The following FHIT variants were observed in gnomAD, a reference collection of about 807,000 sequenced individuals.
FHIT encodes bis(5'-adenosyl)-triphosphatase.
Under a neutral mutation model 17.9 loss-of-function variants are expected in FHIT, and 19 were observed. The ratio of observed to expected loss-of-function variants is 1.06; its 90% confidence interval spans 0.74 to 1.56. The LOEUF is 1.56. Among genes scored for constraint, FHIT ranks in the 40% most tolerant of loss-of-function variants. The pLI is 0.00. For missense variants in FHIT, 248 were observed against 189.2 expected, an observed-to-expected ratio of 1.31 and a Z score of -1.82; for synonymous variants, 81 against 69.7, an observed-to-expected ratio of 1.16 and a Z score of -0.81.
rs527967521 is a variant in FHIT, at chr3:60,201,267, G to C, written c.104-187115C>G. Among the ~76,000 whole-genome samples, 3 of 152,202 alleles carry C rather than the reference G, an allele frequency of 2.0e-5. No individual in the cohort carries two copies. The South Asian group carries it at 6.2e-4, about 32-fold the overall frequency. On this transcript the variant is annotated intron_variant, in intron 5 of 9. Transcript: ENST00000492590. ...CCCAATGGTATCTTATATACCAAAT[G>C]ATCGTCTATGGTAGATTTCAATCAT... is the stretch of plus-strand genomic sequence containing the variant.
intron 5 of FHIT, among the ~76,000 whole-genome samples, chr3:60,061,687 G>C (rs1257427824): frequency 1.3e-5 from 2 of 152,182 alleles, no homozygotes; most frequent in Admixed American, 1.3e-4. Flanking sequence ...CAAGTAAACA[G>C]AGAGGGTTCT....
At chr3:60,195,755 C>G (rs968110143) in intron 5 of FHIT, among the ~76,000 whole-genome samples, 1 of 151,034 alleles carries the variant, frequency 6.6e-6, no homozygotes, top group African/African-American at 2.4e-5. Context: ...GGCCATTATT[C>G]TAAGTGACGT....
intron 2 of FHIT, among the ~76,000 whole-genome samples, chr3:61,073,872 C>G (rs1013608479): frequency 6.6e-6 from 1 of 152,170 alleles, no homozygotes; most frequent in Non-Finnish European, 1.5e-5. Flanking sequence ...ATCAACATCA[C>G]TGGCACCCAG....
At chr3:60,367,465 G>A (rs946349402) in intron 5 of FHIT, among the ~76,000 whole-genome samples, 1 of 152,148 alleles carries the variant, frequency 6.6e-6, no homozygotes, top group Non-Finnish European at 1.5e-5. Flanking sequence ...ATGTTGGAAA[G>A]TCTAAGAAAA....
intron 5 of FHIT, among the ~76,000 whole-genome samples, chr3:60,364,129 C>T (rs566870521): frequency 6.6e-6 from 1 of 152,276 alleles, no homozygotes; most frequent in East Asian, 1.9e-4. Flanking sequence ...TTGAATGTAC[C>T]ATCTGGTCCC....
chr3:61,199,991 C>A (rs771476555), intron 2 of FHIT, among the ~76,000 whole-genome samples: 2 of 152,162 alleles, frequency 1.3e-5, no homozygotes, highest in African/African-American at 4.8e-5. Flanking sequence ...GAAACAATTA[C>A]ATTTTTCCAT....
chr3:59,977,296 C>A (rs1181930247), intron 7 of FHIT, among the ~76,000 whole-genome samples: 1 of 152,134 alleles, frequency 6.6e-6, no homozygotes, highest in African/African-American at 2.4e-5. Flanking sequence ...TCTATCAAGG[C>A]CTCTTTTCAA....
At chr3:60,792,024 A>G (rs1553728653) in intron 4 of FHIT, among the ~76,000 whole-genome samples, 1 of 152,174 alleles carries the variant, frequency 6.6e-6, no homozygotes, top group Non-Finnish European at 1.5e-5. Flanking sequence ...GATCTTGCAG[A>G]TGGTGGGCTG....
At chr3:59,909,960 G>T (rs1704789086) in intron 8 of FHIT, among the ~76,000 whole-genome samples, 1 of 152,130 alleles carries the variant, frequency 6.6e-6, no homozygotes. Flanking sequence ...CAAGGTACAT[G>T]TGCTTCCATT....
intron 2 of FHIT, among the ~76,000 whole-genome samples, chr3:61,138,604 C>T (rs2036984760): frequency 6.6e-6 from 1 of 152,176 alleles, no homozygotes; most frequent in Non-Finnish European, 1.5e-5. Context: ...ATGACGGTGG[C>T]ACAACAGGCC....
chr3:60,589,803 A>T (rs1282752849), intron 4 of FHIT, among the ~76,000 whole-genome samples: 1 of 152,114 alleles, frequency 6.6e-6, no homozygotes, highest in Admixed American at 6.6e-5. Flanking sequence ...TGCCACTTCG[A>T]CTTCTTACTG....
At position 61,176,946 on chromosome 3, in the gene FHIT, C is replaced by T. The variant is rs1009459179; in HGVS notation, c.-164+23671G>A. On this transcript the variant is annotated intron_variant, in intron 2 of 9. Coordinates refer to ENST00000492590, the MANE Select transcript of FHIT (RefSeq NM_002012.4). Reference sequence around the variant, plus strand: ...ACCCCAGAACTTTGGGAGGCCGAGGCGGGCAGATCACGAGGTAAGGAGATC... The same window carrying T: ...ACCCCAGAACTTTGGGAGGCCGAGGTGGGCAGATCACGAGGTAAGGAGATC... Among the ~76,000 whole-genome samples the T allele has an allele frequency of 3.9e-5, 6 of 152,228 alleles. No individual in the cohort carries two copies. The East Asian group carries it at 7.7e-4, about 20-fold the overall frequency.
rs887623221 is a variant in FHIT at position 59,961,890 on chromosome 3, A to AT, written c.280-39477dup. Among the ~76,000 whole-genome samples, 45 of 122,778 alleles carry AT rather than the reference A, an allele frequency of 3.7e-4. 1 individual carries two copies. Among genetic ancestry groups the AT allele is most frequent in the African/African-American group, 9.5e-4 (33 of 34,632 alleles). The allele number at this position is 122,778 out of a possible 152,430, so 80.5% of individuals were successfully genotyped here. A position where few individuals can be genotyped will look rare whatever the true frequency, so the allele number is the denominator to read the frequency against. ...TTGACAGCCACCACCCCATTTTTCA[A>AT]TTTTTTTTATGACAGGCTAACTGTG... On this transcript the variant is annotated intron_variant, in intron 7 of 9. Transcript: ENST00000492590.
intron 2 of FHIT, among the ~76,000 whole-genome samples, chr3:61,148,048 T>TAAA (rs1021500784): frequency 7.0e-6 from 1 of 143,638 alleles, no homozygotes; most frequent in Non-Finnish European, 1.5e-5. Context: ...GAGAAAAGTT[T>TAAA]AAAAAAAAAA....
chr3:60,494,654 CCTT>C (rs1235647983), intron 5 of FHIT, among the ~76,000 whole-genome samples: 9 of 152,172 alleles, frequency 5.9e-5, no homozygotes, highest in Non-Finnish European at 7.3e-5. Context: ...TGGTAATACT[CCTT>C]CTACTTACTA....
intron 5 of FHIT, among the ~76,000 whole-genome samples, chr3:60,279,221 A>T (rs1473293137): frequency 3.9e-5 from 6 of 152,120 alleles, no homozygotes; most frequent in African/African-American, 1.4e-4. Flanking sequence ...TACTGATCTC[A>T]CGGATATTAA....
At chr3:59,823,355 G>A (rs1700862280) in intron 8 of FHIT, among the ~76,000 whole-genome samples, 1 of 152,126 alleles carries the variant, frequency 6.6e-6, no homozygotes, top group Non-Finnish European at 1.5e-5. Context: ...TATGGGAATT[G>A]CATTGAATTT....
chr3:60,327,165 A>C (rs1186182873), intron 5 of FHIT, among the ~76,000 whole-genome samples: 2 of 152,208 alleles, frequency 1.3e-5, no homozygotes, highest in Non-Finnish European at 2.9e-5. Flanking sequence ...TCTATGTTTC[A>C]TATTCCATCT....
intron 5 of FHIT, among the ~76,000 whole-genome samples, chr3:60,375,130 C>A (rs1029037419): frequency 1.9e-4 from 28 of 149,296 alleles, no homozygotes; most frequent in Non-Finnish European, 3.6e-4. Context: ...AAACAAAAAA[C>A]AAAAAAAACA....
Sources: allele counts gnomAD v4.1 joint callset (sites outside exome capture counted in the v4.1 genomes callset), GRCh38; gene constraint gnomAD v4.1.1; transcripts MANE v1.5; gene names NCBI Gene and HGNC (gene_info 2026-07-23, HGNC 2026-07-21).